Variants in BBOF1 observed in about 807,000 individuals in gnomAD.
The protein encoded by BBOF1 is basal body orientation factor 1, also known as basal body-orientation factor 1.
A neutral mutation model predicts 68.0 loss-of-function variants in BBOF1; 62 were observed. The observed-to-expected ratio is 0.91, with a 90% confidence interval of 0.74 to 1.13. BBOF1 has a LOEUF of 1.13. Ranked by LOEUF, BBOF1 falls within the 50% of genes most tolerant of loss-of-function variation. BBOF1 has a pLI of 0.00. For synonymous variants in BBOF1, 208 were observed against 198.8 expected (o/e 1.05, Z -0.39); for missense variants, 534 against 600.1 (o/e 0.89, Z 1.15).
chr14:74,045,647 A>C (rs2059932740), intron 5 of BBOF1, among the ~76,000 whole-genome samples: 1 of 152,132 alleles, frequency 6.6e-6, no homozygotes. Context: ...AAGCACTTCT[A>C]ATTTTTATTT....
At chr14:74,020,099 C>G (rs1054082903) in intron 1 of BBOF1, among the ~76,000 whole-genome samples, 3 of 152,112 alleles carry the variant, frequency 2.0e-5, no homozygotes, top group African/African-American at 7.2e-5. Flanking sequence ...AAAGAAAAAA[C>G]AAAAATCACC....
chr14:74,049,523 G>A (rs765454855), intron 7 of BBOF1, among the ~76,000 whole-genome samples, 179 bp from the exon 8 acceptor site: 50 of 152,078 alleles, frequency 3.3e-4, no homozygotes, highest in Non-Finnish European at 6.0e-4. Flanking sequence ...TTAGCTGGGC[G>A]TGGTGATGGG....
intron 4 of BBOF1, among the ~76,000 whole-genome samples, chr14:74,037,955 C>CAA (rs76801094): frequency 1.7e-5 from 2 of 115,828 alleles, no homozygotes; most frequent in South Asian, 2.7e-4. Flanking sequence ...AACTCTGTTT[C>CAA]AAAAAAAAAA....
chr14:74,022,691 A>G (rs2140940835), intron 1 of BBOF1, among the ~76,000 whole-genome samples: 1 of 152,340 alleles, frequency 6.6e-6, no homozygotes, highest in East Asian at 1.9e-4. Context: ...TCTTATGTGA[A>G]TACAAGTGAA....
intron 3 of BBOF1, among the ~76,000 whole-genome samples, chr14:74,031,176 C>T (rs1362273373): frequency 6.6e-6 from 1 of 151,328 alleles, no homozygotes; most frequent in Non-Finnish European, 1.5e-5. Flanking sequence ...TGCAGTGGCA[C>T]AATCATGGCT....
downstream of BBOF1, among the ~76,000 whole-genome samples, chr14:74,069,693 C>A (rs1245375627): frequency 6.6e-6 from 1 of 151,932 alleles, no homozygotes; most frequent in African/African-American, 2.4e-5. Context: ...GCAGAGGTTG[C>A]AGCGAGCCGA....
chr14:74,046,504 C>T (rs2059953160), intron 6 of BBOF1, among the ~76,000 whole-genome samples: 1 of 152,100 alleles, frequency 6.6e-6, no homozygotes, highest in Admixed American at 6.6e-5. Flanking sequence ...TCCTGAGTAG[C>T]TGGGATTACA....
At chr14:74,077,798 G>A (rs1487272293) in intron 9 of BBOF1, among the ~76,000 whole-genome samples, 1 of 152,128 alleles carries the variant, frequency 6.6e-6, no homozygotes, top group Non-Finnish European at 1.5e-5. Flanking sequence ...GTACTTATCT[G>A]TTACCCATAA....
Position 74,034,110 on chromosome 14 carries a change from A to T in BBOF1, c.434A>T (p.Glu145Val), listed in dbSNP as rs1448917749. The change falls in exon 4 of 12, where the codon GAG becomes GTG. Residue 145 changes from glutamate (E) to valine (V), a missense_variant. Glu to Val is a moderately radical substitution (Grantham distance 121). Transcript: ENST00000394009. ...KAKEIGMIHTELKAVRQFQKR... is the reference protein window; with the variant it reads ...KAKEIGMIHTVLKAVRQFQKR... ...AAAGAAATTGGCATGATTCACACAGAGCTGAAAGCAGTAAGACAATTCCAG... is the reference window on the plus strand; with the variant it reads ...AAAGAAATTGGCATGATTCACACAGTGCTGAAAGCAGTAAGACAATTCCAG... 6.2e-7 allele frequency: 1 copy of T among 1,603,464 alleles called. No homozygotes were observed. The highest frequency in any genetic ancestry group is 2.3e-5 in the East Asian group (1 of 43,970).
At position 74,024,542 on chromosome 14, in the gene BBOF1, C is replaced by T. The variant is rs78852211; in HGVS notation, c.285+1398C>T. 8.8e-3 allele frequency among the ~76,000 whole-genome samples: 1,336 copies of T among 152,146 alleles called. 21 individuals carry two copies. Among genetic ancestry groups the T allele is most frequent in the African/African-American group, 0.031 (1,297 of 41,512 alleles). ...GTGCAGTGGTATGATCACGGCTCAC[C>T]ACAGGATCGACATCCGGGCTCAGAT... On this transcript the variant is annotated intron_variant, in intron 2 of 11. Coordinates refer to ENST00000394009, the MANE Select transcript of BBOF1 (RefSeq NM_025057.3).
At chr14:74,069,160 A>G, downstream of BBOF1, 1 of 576,710 alleles carries the variant, frequency 1.7e-6, no homozygotes, top group Non-Finnish European at 2.7e-6. Flanking sequence ...GCTGGAGTGC[A>G]GTGGCACAAT....
intron 2 of BBOF1, among the ~76,000 whole-genome samples, chr14:74,024,216 T>C (rs1205184164): frequency 2.0e-5 from 3 of 151,988 alleles, no homozygotes; most frequent in Non-Finnish European, 4.4e-5. Flanking sequence ...CCCAACACTT[T>C]GGGAGGAAGA....
At chr14:74,042,629 A>G (rs1452561401) in intron 5 of BBOF1, among the ~76,000 whole-genome samples, 1 of 152,080 alleles carries the variant, frequency 6.6e-6, no homozygotes, top group Non-Finnish European at 1.5e-5. Flanking sequence ...AGCACATTTC[A>G]TCTTACATCT....
intron 1 of BBOF1, among the ~76,000 whole-genome samples, chr14:74,021,135 C>T (rs1439248046): frequency 6.6e-6 from 1 of 152,072 alleles, no homozygotes; most frequent in Non-Finnish European, 1.5e-5. Flanking sequence ...TAAATATGTA[C>T]ATATTTATAT....
intron 4 of BBOF1, among the ~76,000 whole-genome samples, chr14:74,038,087 ATTTATCATTTATC>A (rs1163887912): frequency 6.6e-6 from 1 of 151,326 alleles, no homozygotes; most frequent in Non-Finnish European, 1.5e-5. Flanking sequence ...TATTATATTT[ATTTATCATTTATC>A]TTATCTCCCC....
chr14:74,035,097 A>G (rs2059664718), intron 4 of BBOF1, among the ~76,000 whole-genome samples: 4 of 152,172 alleles, frequency 2.6e-5, no homozygotes, highest in African/African-American at 9.7e-5. Flanking sequence ...CTCAAAAAAA[A>G]AGTAAAATAA....
chr14:74,079,332 C>T (rs972003522), intron 10 of BBOF1, among the ~76,000 whole-genome samples: 2 of 151,894 alleles, frequency 1.3e-5, no homozygotes, highest in African/African-American at 2.4e-5. Context: ...CTGCAACCTC[C>T]ACCTCCCGGG....
At chr14:74,066,643 T>G, downstream of BBOF1, 240 of 1,439,292 alleles carry the variant, frequency 1.7e-4, no homozygotes, top group Non-Finnish European at 2.2e-4. Context: ...ATTAGAGGGA[T>G]GAGATTCTAT....
rs767796391 is a variant in BBOF1 at position 74,065,204 on chromosome 14, C to T, written c.*505C>T. The T allele has an allele frequency of 1.8e-5, 29 of 1,613,978 alleles. 2 individuals are homozygous for T. In the South Asian group the frequency reaches 3.2e-4, roughly 18 times the overall value. Reference sequence around the variant, plus strand: ...ACCTGTCCAACATCCACCAAGTGGGCATATTTCCGAGCAGTGGCTCCATTG... The same window carrying T: ...ACCTGTCCAACATCCACCAAGTGGGTATATTTCCGAGCAGTGGCTCCATTG... On this transcript the variant is annotated 3_prime_UTR_variant, in exon 12 of 12. Transcript: ENST00000394009.
Sources: gnomAD v4.1 joint callset for allele counts (sites outside exome capture counted in the v4.1 genomes callset) on GRCh38, gnomAD v4.1.1 for gene constraint, MANE v1.5 for transcripts, NCBI Gene and HGNC (gene_info 2026-07-23, HGNC 2026-07-21) for gene names.